Variants in KCNK10 observed in about 807,000 individuals in gnomAD.
KCNK10 encodes the protein potassium channel subfamily K member 10.
In KCNK10, 25 loss-of-function variants were observed where a neutral mutation model predicts 47.7. The ratio of observed to expected loss-of-function variants is 0.52; its 90% confidence interval spans 0.38 to 0.73. The LOEUF (loss-of-function observed/expected upper bound fraction) is 0.73. KCNK10 is among the 30% of genes least tolerant of loss of function. The probability of loss-of-function intolerance (pLI) is 0.00; values close to 1 mark genes in which losing one functional copy is unlikely to be tolerated. For synonymous variants in KCNK10, 303 were observed against 285.6 expected (o/e 1.06, Z -0.61); for missense variants, 563 against 714.5 (o/e 0.79, Z 2.42).
intron 1 of KCNK10, among the ~76,000 whole-genome samples, chr14:88,273,069 C>A (rs372536259): frequency 6.6e-6 from 1 of 152,044 alleles, no homozygotes; most frequent in Non-Finnish European, 1.5e-5. Flanking sequence ...TAGCTGAATC[C>A]CTAGATTTAA....
intron 1 of KCNK10, among the ~76,000 whole-genome samples, chr14:88,274,683 T>A (rs1887490041): frequency 6.6e-6 from 1 of 152,098 alleles, no homozygotes; most frequent in Non-Finnish European, 1.5e-5. Context: ...GTACTTCGAT[T>A]AATTCCATAT....
At chr14:88,230,148 T>C (rs1325215586) in intron 3 of KCNK10, among the ~76,000 whole-genome samples, 1 of 152,164 alleles carries the variant, frequency 6.6e-6, no homozygotes, top group East Asian at 1.9e-4. Flanking sequence ...CTGTGAAATA[T>C]GATGCAAACT....
Position 88,322,907 on chromosome 14 carries a change from G to A in KCNK10, c.-109C>T, listed in dbSNP as rs1435051420. On this transcript the variant is annotated 5_prime_UTR_variant, in exon 1 of 7. Coordinates refer to ENST00000319231, the MANE Select transcript of KCNK10 (RefSeq NM_138317.3). This position sits in a 1 kb window ranked among gnomAD's most constrained non-coding sequence, Gnocchi z 4.8. ...GTCCAACAAAACAATTTCCGAGGAT[G>A]GGGGAGCCTTGGACTGGCTCGTGGA... is the stretch of plus-strand genomic sequence containing the variant. The A allele has an allele frequency of 1.3e-6, 2 of 1,578,438 alleles. No individual in the cohort carries two copies. Among genetic ancestry groups the A allele is most frequent in the East Asian group, 2.3e-5 (1 of 43,984 alleles).
chr14:88,277,851 C>T (rs1461107789), intron 1 of KCNK10, among the ~76,000 whole-genome samples: 5 of 152,144 alleles, frequency 3.3e-5, no homozygotes, highest in African/African-American at 4.8e-5. Flanking sequence ...ACTCCACTCC[C>T]CAAAATACCT....
At chr14:88,239,357 T>TA (rs1886386199) in intron 3 of KCNK10, among the ~76,000 whole-genome samples, 1 of 152,200 alleles carries the variant, frequency 6.6e-6, no homozygotes, top group South Asian at 2.1e-4. Flanking sequence ...GCCTTATATG[T>TA]AATAGCTGAG....
chr14:88,234,774 T>C (rs926222207), intron 3 of KCNK10, among the ~76,000 whole-genome samples: 10 of 152,154 alleles, frequency 6.6e-5, no homozygotes, highest in Admixed American at 5.2e-4. Flanking sequence ...CACAATTGTA[T>C]GTGGGCAGAA....
chr14:88,196,841 T>G (rs1037127989), intron 4 of KCNK10, among the ~76,000 whole-genome samples: 2 of 152,238 alleles, frequency 1.3e-5, no homozygotes, highest in Non-Finnish European at 2.9e-5. Context: ...CATTTTCTTA[T>G]AACATGTTTT....
In KCNK10 at chr14:88,322,629, C is replaced by A. The variant is rs573493310; in HGVS notation, c.52+118G>T. Reference sequence around the variant, plus strand: ...TCCCACCCGCGCTGCAGTTCCCAGGCGCATTTCCCAGCCTCAGGACACACG... The same window carrying A: ...TCCCACCCGCGCTGCAGTTCCCAGGAGCATTTCCCAGCCTCAGGACACACG... On this transcript the variant is annotated intron_variant, in intron 1 of 6. Transcript: ENST00000319231. The surrounding 1 kb of genome is among the most constrained non-coding windows in gnomAD (Gnocchi z 4.8). 4 of 1,401,066 alleles carry A rather than the reference C, an allele frequency of 2.9e-6. No homozygotes were observed. Among genetic ancestry groups the A allele is most frequent in the Non-Finnish European group, 4.0e-6 (4 of 998,378 alleles). 86.8% of individuals were successfully genotyped at this position (1,401,066 alleles called of 1,614,324 possible).
At chr14:88,243,777 C>T (rs945349275) in intron 2 of KCNK10, among the ~76,000 whole-genome samples, 4 of 151,084 alleles carry the variant, frequency 2.6e-5, no homozygotes, top group Admixed American at 1.3e-4. Context: ...AGAAATAAAG[C>T]GACAAAAAGG....
intron 5 of KCNK10, among the ~76,000 whole-genome samples, chr14:88,191,178 A>C (rs1051220431): frequency 6.6e-6 from 1 of 152,012 alleles, no homozygotes; most frequent in Non-Finnish European, 1.5e-5. Context: ...TGAGCCCCAG[A>C]GGTCCGAGGC....
At chr14:88,192,475 G>T in intron 4 of KCNK10, 65 bp from the exon 5 acceptor site, 2 of 1,404,964 alleles carry the variant, frequency 1.4e-6, no homozygotes, top group Non-Finnish European at 9.9e-7. Flanking sequence ...GGATATAGAT[G>T]CACAGAAAAC....
chr14:88,286,195 C>A (rs1460073631), intron 1 of KCNK10, among the ~76,000 whole-genome samples: 6 of 152,174 alleles, frequency 3.9e-5, no homozygotes, highest in African/African-American at 1.4e-4. Flanking sequence ...ACCCCACAGA[C>A]ACCTGTAGAT....
chr14:88,266,964 G>C (rs1338252569), intron 1 of KCNK10, among the ~76,000 whole-genome samples: 2 of 152,184 alleles, frequency 1.3e-5, no homozygotes, highest in African/African-American at 4.8e-5. Context: ...TTTGCGAAGA[G>C]ACTGTCCATT....
At chr14:88,249,007 C>T (rs1000108677) in intron 2 of KCNK10, among the ~76,000 whole-genome samples, 1 of 152,138 alleles carries the variant, frequency 6.6e-6, no homozygotes, top group Non-Finnish European at 1.5e-5. Context: ...GGTTAAAAGT[C>T]CTCTCTTTTA....
At chr14:88,277,714 T>C (rs1480559433) in intron 1 of KCNK10, among the ~76,000 whole-genome samples, 4 of 152,174 alleles carry the variant, frequency 2.6e-5, no homozygotes, top group African/African-American at 7.2e-5. Context: ...GGGAATAAAA[T>C]GTGGCCGAAG....
chr14:88,188,143 C>G, intron 5 of KCNK10, 34 bp from the exon 6 acceptor site: 1 of 1,611,826 alleles, frequency 6.2e-7, no homozygotes, highest in Non-Finnish European at 8.5e-7. Flanking sequence ...TAACCATGAT[C>G]TAGCATATGG....
chr14:88,185,917 G>A lies in KCNK10; in HGVS notation c.1250C>T (p.Ser417Phe). 4 of 1,614,000 alleles carry A rather than the reference G, an allele frequency of 2.5e-6. No homozygotes were observed. The highest frequency in any genetic ancestry group is 3.4e-6 in the Non-Finnish European group (4 of 1,180,012). ...GGGCCGGTTGTTGATGCTCTCCTGGGATGAGGCCTTGAAGCGGCCGGTGTC... is the reference window on the plus strand; with the variant it reads ...GGGCCGGTTGTTGATGCTCTCCTGGAATGAGGCCTTGAAGCGGCCGGTGTC... ...ALDTGRFKASSQESINNRPNN... is the reference protein window; with the variant it reads ...ALDTGRFKASFQESINNRPNN... The change falls in exon 7 of 7, where the codon TCC (serine) becomes TTC (phenylalanine). Residue 417 changes from serine to phenylalanine, a missense_variant. By Grantham distance (155) the Ser-to-Phe change is radical. Transcript: ENST00000319231. The surrounding 1 kb of genome is among the most constrained non-coding windows in gnomAD (Gnocchi z 4.3).
intron 2 of KCNK10, among the ~76,000 whole-genome samples, chr14:88,258,307 TC>T (rs1203167137): frequency 6.7e-6 from 1 of 149,878 alleles, no homozygotes; most frequent in East Asian, 2.0e-4. Context: ...TTTTTTTTTT[TC>T]GAGATGGAGT....
upstream of KCNK10, chr14:88,326,352 T>C (rs1888662359): frequency 1.4e-6 from 2 of 1,406,792 alleles, no homozygotes; most frequent in East Asian, 2.3e-5. Flanking sequence ...CCCTTTGGGC[T>C]ACTGCAATCC....
Sources: gnomAD v4.1 joint callset for allele counts (sites outside exome capture counted in the v4.1 genomes callset) on GRCh38, gnomAD v4.1.1 for gene constraint, Gnocchi (gnomAD v3.1) non-coding constraint, MANE v1.5 for transcripts, NCBI Gene and HGNC (gene_info 2026-07-23, HGNC 2026-07-21) for gene names.